Variants in BDP1 observed in about 807,000 individuals in gnomAD.
BDP1 encodes the protein transcription factor TFIIIB component B'' homolog.
In BDP1, 169 loss-of-function variants were observed where a neutral mutation model predicts 266.6. The ratio of observed to expected loss-of-function variants is 0.63; its 90% CI spans 0.56 to 0.72. The LOEUF is 0.72. Ranked by LOEUF, BDP1 falls within the 30% of genes least tolerant of loss-of-function variation. The pLI, the probability that BDP1 is intolerant of heterozygous loss-of-function variation, is 0.00. For synonymous variants in BDP1, 1,090 were observed against 1,022.4 expected (o/e 1.07, Z -1.26); for missense variants, 3,015 against 3,053.8 (o/e 0.99, Z 0.30).
chr5:71,562,275 C>T lies in BDP1; in HGVS notation c.7498C>T (p.Pro2500Ser), dbSNP rs1378929868. 3 of 1,584,412 alleles carry T rather than the reference C, an allele frequency of 1.9e-6. No individual in the cohort carries two copies. The highest frequency in any genetic ancestry group is 2.6e-6 in the Non-Finnish European group (3 of 1,167,376). ...TSSSKASLSR[P>S]GRRPLGFLSL... Reference sequence around the variant, plus strand: ...ATATCGTTACATTTGTATTTCTAGACCTGGCAGAAGACCCCTGGGATTTTT... The same window carrying T: ...ATATCGTTACATTTGTATTTCTAGATCTGGCAGAAGACCCCTGGGATTTTT... The change falls in exon 38 of 39, where the codon CCT (proline) becomes TCT (serine). Residue 2500 changes from proline to serine, a missense_variant and splice_region_variant. Pro to Ser is a moderately conservative substitution (Grantham distance 74, BLOSUM62 -1). Coordinates refer to ENST00000358731, the MANE Select transcript of BDP1 (RefSeq NM_018429.3).
rs1337250638 is a variant in BDP1, at chr5:71,539,025, AT to A, written c.5893-10del. 3.2e-6 allele frequency: 5 copies of A among 1,566,324 alleles called. No homozygotes were observed. The highest frequency in any genetic ancestry group is 3.5e-6 in the Non-Finnish European group (4 of 1,140,948). ...GGGGAAGTATTTTAAGATGTTACTT[AT>A]TTTTTTCCTTTTTAGGAAATGACCA... On this transcript the variant is annotated splice_polypyrimidine_tract_variant and intron_variant, in intron 26 of 38. Coordinates refer to ENST00000358731, the MANE Select transcript of BDP1 (RefSeq NM_018429.3).
chr5:71,515,682 G>T (rs1765179109), intron 20 of BDP1, among the ~76,000 whole-genome samples: 1 of 151,928 alleles, frequency 6.6e-6, no homozygotes. Flanking sequence ...ATATACAGTG[G>T]CATTAAGTGT....
intron 4 of BDP1, among the ~76,000 whole-genome samples, chr5:71,465,122 C>CA (rs1467527123): frequency 6.6e-6 from 1 of 152,060 alleles, no homozygotes; most frequent in Non-Finnish European, 1.5e-5. Context: ...CCTCTCGCCT[C>CA]AGCCTCCAAA....
intron 36 of BDP1, among the ~76,000 whole-genome samples, chr5:71,559,750 CA>C (rs1743495792): frequency 6.6e-6 from 1 of 152,062 alleles, no homozygotes; most frequent in South Asian, 2.1e-4. Context: ...TTTTCTAGGC[CA>C]AAATATATTG....
chr5:71,528,556 A>G (rs1475505951), intron 25 of BDP1, among the ~76,000 whole-genome samples: 1 of 152,244 alleles, frequency 6.6e-6, no homozygotes, highest in Non-Finnish European at 1.5e-5. Context: ...AGTAATGTTT[A>G]AGATAATTAA....
At chr5:71,560,504 A>G (rs1168668973) in intron 37 of BDP1, among the ~76,000 whole-genome samples, 1 of 152,172 alleles carries the variant, frequency 6.6e-6, no homozygotes, top group Non-Finnish European at 1.5e-5. Context: ...ATCCATGGTT[A>G]TTTTGATCAT....
chr5:71,504,998 A>G (rs191936295), intron 16 of BDP1, among the ~76,000 whole-genome samples: 21 of 152,222 alleles, frequency 1.4e-4, no homozygotes, highest in Admixed American at 1.2e-3. Flanking sequence ...TAGCCTTATC[A>G]CTTTATTTTA....
chr5:71,509,094 G>A (rs1764747722), intron 16 of BDP1, among the ~76,000 whole-genome samples: 1 of 152,078 alleles, frequency 6.6e-6, no homozygotes, highest in African/African-American at 2.4e-5. Context: ...AAAGATAGAA[G>A]GGATGAAGAG....
intron 7 of BDP1, among the ~76,000 whole-genome samples, chr5:71,474,161 T>C (rs1426311698): frequency 6.6e-6 from 1 of 151,572 alleles, no homozygotes; most frequent in East Asian, 2.0e-4. Context: ...TTTGTATTTT[T>C]AGTAGAGATG....
chr5:71,514,573 C>T (rs145086856), intron 19 of BDP1, among the ~76,000 whole-genome samples: 22 of 152,154 alleles, frequency 1.4e-4, no homozygotes, highest in African/African-American at 5.1e-4. Flanking sequence ...GTATTGTGAG[C>T]TTCTTTTTAG....
At chr5:71,467,576 T>C in intron 6 of BDP1, 89 bp downstream of exon 6, 1 of 1,118,022 alleles carries the variant, frequency 8.9e-7, no homozygotes. Flanking sequence ...CCTAAGTACA[T>C]AAAATGCAAA....
At chr5:71,464,216 T>C in intron 4 of BDP1, 99 bp downstream of exon 4, 2 of 750,734 alleles carry the variant, frequency 2.7e-6, no homozygotes, top group East Asian at 2.9e-5. Flanking sequence ...TTGATTGGGG[T>C]TGGGCACAGT....
At chr5:71,507,645 C>T (rs1488784944) in intron 16 of BDP1, among the ~76,000 whole-genome samples, 1 of 152,190 alleles carries the variant, frequency 6.6e-6, no homozygotes, top group African/African-American at 2.4e-5. Context: ...ACAGTAATCT[C>T]ACTAAAAGCT....
At chr5:71,532,505 T>C in intron 26 of BDP1, 78 bp downstream of exon 26, 1 of 1,420,198 alleles carries the variant, frequency 7.0e-7, no homozygotes, top group Non-Finnish European at 9.6e-7. Context: ...TTTTGATAGC[T>C]TTAGGTTTAT....
In BDP1 at chr5:71,510,012, A is replaced by G; in HGVS notation, c.2920A>G (p.Thr974Ala). The G allele has an allele frequency of 6.2e-7, 1 of 1,614,024 alleles. No homozygotes were observed. Among genetic ancestry groups the G allele is most frequent in the Non-Finnish European group, 8.5e-7 (1 of 1,180,000 alleles). ...SSPREKTPEV[T>A]DATEEIDKNL... ...CCCAAGGGAGAAGACACCAGAGGTG[A>G]CTGATGCCACTGAGGAAATAGACAA... Residue 974 changes from threonine (T) to alanine (A), a missense_variant, in exon 17 of 39, where the codon ACT becomes GCT. Physicochemically the swap from Thr to Ala is moderately conservative, Grantham distance 58. This residue lies in a region of BDP1 where 2,383 missense variants were observed against 2,404.9 expected (regional missense o/e 0.99). Coordinates refer to ENST00000358731, the MANE Select transcript of BDP1 (RefSeq NM_018429.3).
chr5:71,516,552 T>C (rs1765232566), intron 21 of BDP1, among the ~76,000 whole-genome samples: 1 of 152,234 alleles, frequency 6.6e-6, no homozygotes, highest in Non-Finnish European at 1.5e-5. Context: ...TGAAAACCTT[T>C]TGACATATCT....
chr5:71,514,870 A>G, intron 19 of BDP1, 74 bp from the exon 20 acceptor site: 2 of 1,008,808 alleles, frequency 2.0e-6, no homozygotes, highest in Non-Finnish European at 2.9e-6. Flanking sequence ...AGATGATATC[A>G]GTTTATACTT....
chr5:71,567,940 AAGACC>A (rs1744126082), downstream of BDP1: 1 of 152,126 alleles, frequency 6.6e-6, no homozygotes, highest in East Asian at 1.9e-4. Flanking sequence ...CCAGGAGTTC[AAGACC>A]AGCCTGGGCA....
intron 7 of BDP1, 61 bp downstream of exon 7, chr5:71,470,550 G>A (rs1762175565): frequency 3.9e-6 from 4 of 1,036,638 alleles, no homozygotes; most frequent in East Asian, 5.0e-5. Context: ...AATGTTAGTA[G>A]TATTATTCGC....
Sources: gnomAD v4.1 joint callset for allele counts (sites outside exome capture counted in the v4.1 genomes callset) on GRCh38, gnomAD v4.1.1 for gene constraint, gnomAD v4.1.1 regional missense constraint, MANE v1.5 for transcripts, NCBI Gene and HGNC (gene_info 2026-07-23, HGNC 2026-07-21) for gene names.